AGAP3: variants seen among roughly 807,000 people sequenced by gnomAD.
The protein encoded by AGAP3 is ArfGAP with GTPase domain, ankyrin repeat and PH domain 3, also known as arf-GAP with GTPase, ANK repeat and PH domain-containing protein 3.
AGAP3 carries 24 observed loss-of-function variants against 96.9 expected under a neutral mutation model. The observed-to-expected ratio is 0.25, with a 90% CI of 0.18 to 0.35. The LOEUF (loss-of-function observed/expected upper bound fraction) is 0.35, where lower values mean the gene tolerates loss of function less well. Ranked by LOEUF, AGAP3 falls within the 10% of genes least tolerant of loss-of-function variation. The probability of loss-of-function intolerance (pLI) is 1.00; values close to 1 mark genes in which losing one functional copy is unlikely to be tolerated. For synonymous variants in AGAP3, 563 were observed against 536.1 expected (o/e 1.05, Z -0.69); for missense variants, 876 against 1,254.2 (o/e 0.70, Z 4.55).
At chr7:151,089,805 C>T (rs1460662758) in intron 1 of AGAP3, 1 of 152,114 alleles carries the variant, frequency 6.6e-6, no homozygotes. Context: ...AGAAGTACAG[C>T]CTTCAGCTGG....
In AGAP3 at chr7:151,133,912, G is replaced by A. The variant is rs149518382; in HGVS notation, c.1327-488G>A. On this transcript the variant is annotated intron_variant, in intron 10 of 17. Transcript: ENST00000397238. The surrounding 1 kb of genome is among the most constrained non-coding windows in gnomAD (Gnocchi z 5.4). ...GGCTTCCTTTTAAACTGTTTGACAA[G>A]TGTTTATTATCAGACACTGTCCTAA... is the stretch of plus-strand genomic sequence containing the variant. Among the ~76,000 whole-genome samples, 2 of 152,306 alleles carry A rather than the reference G, an allele frequency of 1.3e-5. No homozygotes were observed. Among genetic ancestry groups the A allele is most frequent in the Non-Finnish European group, 2.9e-5 (2 of 68,016 alleles).
chr7:151,143,897 G>C lies in AGAP3; in HGVS notation c.2690G>C (p.Gly897Ala). The C allele has an allele frequency of 1.9e-6, 3 of 1,614,030 alleles. No homozygotes were observed. Among genetic ancestry groups the C allele is most frequent in the Non-Finnish European group, 2.5e-6 (3 of 1,180,014 alleles). Residue 897 changes from glycine to alanine, a missense_variant, in exon 18 of 18, where the codon GGC becomes GCC. Gly to Ala is a moderately conservative substitution (Grantham distance 60). Coordinates refer to ENST00000397238, the MANE Select transcript of AGAP3 (RefSeq NM_031946.7). This position sits in a 1 kb window ranked among gnomAD's most constrained non-coding sequence, Gnocchi z 5.9. ...ACCCCCAACAGAGAGCCTGCCAATG[G>C]CACCAACCCCTCTGCTGAGCTGCAC... is the stretch of plus-strand genomic sequence containing the variant. ...APTPNREPAN[G>A]TNPSAELHRS... is the part of the protein sequence containing the mutation.
Position 151,118,220 on chromosome 7 carries a change from C to T in AGAP3, c.717C>T (p.Ser239=), listed in dbSNP as rs753636402. 1.2e-5 allele frequency: 19 copies of T among 1,610,072 alleles called. 1 individual carries two copies. In the Admixed American group the frequency reaches 2.7e-4, roughly 23 times the overall value. The change falls in exon 6 of 18, where the codon AGC becomes AGT. Residue 239 remains serine (S), a synonymous_variant. Coordinates refer to ENST00000397238, the MANE Select transcript of AGAP3 (RefSeq NM_031946.7). This position sits in a 1 kb window ranked among gnomAD's most constrained non-coding sequence, Gnocchi z 6.1. ...TCCCACCTCCAACAGATGCCATCAG[C>T]GCTGCGAATCCCCGGGTTATCGACG... The part of the protein sequence containing the change: ...MVLVGTQDAI[S]AANPRVIDDS...
rs759449412 is a variant in AGAP3 at position 151,134,546 on chromosome 7, C to T, written c.1473C>T (p.Asn491=). 3 of 1,612,044 alleles carry T rather than the reference C, an allele frequency of 1.9e-6. No individual in the cohort carries two copies. The Admixed American group carries it at 5.0e-5, about 27-fold the overall frequency. ...ACGGGCTGTCCGTGGAGCGGAGTAACACACAGCTGGGTGGGGGCACAGGTG... is the reference window on the plus strand; with the variant it reads ...ACGGGCTGTCCGTGGAGCGGAGTAATACACAGCTGGGTGGGGGCACAGGTG... ...RANGLSVERS[N]TQLGGGTGAP... The change falls in exon 11 of 18, where the codon AAC becomes AAT. Residue 491 remains asparagine (N), a synonymous_variant. Transcript: ENST00000397238.
rs1473612568 is a variant in AGAP3 at position 151,138,228 on chromosome 7, G to T, written c.1581G>T (p.Gly527=). The change falls in exon 12 of 18, where the codon GGG becomes GGT. Residue 527 remains glycine (G), a synonymous_variant. Transcript: ENST00000397238. ...SSAWAGPRPE[G]LHQRSCSVSS... is the part of the protein sequence containing the mutation. The stretch of plus-strand genomic sequence containing the variant: ...CCTGGGCTGGCCCGCGCCCTGAGGG[G>T]CTGCACCAGCGCTCCTGCTCCGTTT... The T allele has an allele frequency of 6.2e-7, 1 of 1,612,410 alleles. No individual in the cohort carries two copies. The highest frequency in any genetic ancestry group is 8.5e-7 in the Non-Finnish European group (1 of 1,179,710).
Position 151,142,693 on chromosome 7 carries a change from C to T in AGAP3, c.2273+59C>T. On this transcript the variant is annotated intron_variant, in intron 16 of 17. Coordinates refer to ENST00000397238, the MANE Select transcript of AGAP3 (RefSeq NM_031946.7). The surrounding 1 kb of genome is among the most constrained non-coding windows in gnomAD (Gnocchi z 7.5). ...TGGGGGAAGCGTTGGGGGCTCCCAG[C>T]ATGGGGAAGATTGGAGTGGCTGTGA... The T allele has an allele frequency of 1.3e-6, 2 of 1,534,490 alleles. No individual in the cohort carries two copies. Among genetic ancestry groups the T allele is most frequent in the East Asian group, 4.5e-5 (2 of 44,296 alleles).
rs1389209910 is a variant in AGAP3 at position 151,123,820 on chromosome 7, G to A, written c.1155G>A (p.Arg385=). 1.2e-6 allele frequency: 2 copies of A among 1,612,786 alleles called. No individual in the cohort carries two copies. Among genetic ancestry groups the A allele is most frequent in the Admixed American group, 1.7e-5 (1 of 59,998 alleles). ...FTSRKGADLD[R]EKKAAECKVD... ...CTCGGAAGGGTGCTGACCTGGACCGGGAGAAGAAGGCTGCCGAGTGCAAGG... is the reference window on the plus strand; with the variant it reads ...CTCGGAAGGGTGCTGACCTGGACCGAGAGAAGAAGGCTGCCGAGTGCAAGG... Residue 385 remains arginine (R), a synonymous_variant, in exon 9 of 18, where the codon CGG becomes CGA. Transcript: ENST00000397238.
At chr7:151,120,283 C>G (rs1328146067) in intron 8 of AGAP3, 138 bp downstream of exon 8, 3 of 945,452 alleles carry the variant, frequency 3.2e-6, no homozygotes, top group Non-Finnish European at 4.7e-6. Flanking sequence ...CAGATACACA[C>G]GGCTCCCGAG....
chr7:151,105,067 A>C (rs1798989912), intron 1 of AGAP3, among the ~76,000 whole-genome samples: 1 of 152,196 alleles, frequency 6.6e-6, no homozygotes. Flanking sequence ...CGGCCAAAAC[A>C]GTGGTTTTCT....
intron 1 of AGAP3, among the ~76,000 whole-genome samples, chr7:151,107,460 C>CA (rs2150437028): frequency 6.6e-6 from 1 of 151,592 alleles, no homozygotes; most frequent in East Asian, 1.9e-4. Flanking sequence ...GCGGTCTCTA[C>CA]AAAAAAAATA....
At position 151,128,507 on chromosome 7, in the gene AGAP3, G is replaced by A. The variant is rs182713434; in HGVS notation, c.1222-73G>A. 1.5e-5 allele frequency: 20 copies of A among 1,310,584 alleles called. No individual in the cohort carries two copies. The East Asian group carries it at 4.2e-4, about 27-fold the overall frequency. 81.2% of individuals were successfully genotyped at this position (1,310,584 alleles called of 1,614,324 possible). A position where few individuals can be genotyped will look rare whatever the true frequency, so the allele number is the denominator to read the frequency against. ...GGGAGGGGGGAGGGCATTGCCTGAC[G>A]ACATCGTGACCTCCTCATGCCCTAT... On this transcript the variant is annotated intron_variant, in intron 9 of 17. Transcript: ENST00000397238.
intron 1 of AGAP3, among the ~76,000 whole-genome samples, chr7:151,094,942 G>A (rs191650612): frequency 6.6e-5 from 10 of 151,454 alleles, no homozygotes; most frequent in Admixed American, 3.3e-4. Flanking sequence ...TGACGCGATC[G>A]TAGCTCACTG....
chr7:151,099,125 C>T (rs977668981), intron 1 of AGAP3, among the ~76,000 whole-genome samples: 5 of 151,864 alleles, frequency 3.3e-5, no homozygotes, highest in East Asian at 2.0e-4. Context: ...AGGCGGATCA[C>T]GAGGTCAGGA....
intron 1 of AGAP3, among the ~76,000 whole-genome samples, chr7:151,089,473 C>T (rs1388783024): frequency 1.3e-5 from 2 of 151,398 alleles, no homozygotes; most frequent in South Asian, 2.1e-4. Context: ...GCGGCAGTTC[C>T]GAGTGTATAA....
rs73727479 is a variant in AGAP3 at position 151,096,141 on chromosome 7, G to A, written c.331+9069G>A. ...AGAGCAGCAGCTGCCCTGAGGATGT[G>A]CGTGCTGGGTGGCGACTGTCTCATT... On this transcript the variant is annotated intron_variant, in intron 1 of 17. Coordinates refer to ENST00000397238, the MANE Select transcript of AGAP3 (RefSeq NM_031946.7). This position sits in a 1 kb window ranked among gnomAD's most constrained non-coding sequence, Gnocchi z 4.4. Among the ~76,000 whole-genome samples the A allele has an allele frequency of 2.8e-3, 419 of 152,346 alleles. 4 individuals carry two copies. Among genetic ancestry groups the A allele is most frequent in the African/African-American group, 9.5e-3 (397 of 41,584 alleles).
chr7:151,122,896 C>A, intron 8 of AGAP3: 2 of 1,528,562 alleles, frequency 1.3e-6, no homozygotes, highest in East Asian at 2.4e-5. Context: ...CCGAGCTCCC[C>A]ACTCCAGAGA....
At chr7:151,101,639 T>C (rs749320) in intron 1 of AGAP3, among the ~76,000 whole-genome samples, 118,577 of 152,164 alleles carry the variant, frequency 0.78, 46,277 homozygotes, top group East Asian at 0.98. Context: ...CAAGAGGCCA[T>C]AGTCCCATAG....
intron 1 of AGAP3, among the ~76,000 whole-genome samples, chr7:151,088,131 GC>G (rs918482966): frequency 6.6e-6 from 1 of 152,222 alleles, no homozygotes; most frequent in Admixed American, 6.5e-5. Context: ...TAAGGTTAGG[GC>G]CCCACTCCCA....
intron 1 of AGAP3, among the ~76,000 whole-genome samples, chr7:151,097,070 T>C (rs1585040513): frequency 6.6e-6 from 1 of 151,594 alleles, no homozygotes; most frequent in South Asian, 2.1e-4. Flanking sequence ...CAGGCGTGAG[T>C]GAGCCACCGC....
Sources: gnomAD v4.1 joint callset for allele counts (sites outside exome capture counted in the v4.1 genomes callset) on GRCh38, gnomAD v4.1.1 for gene constraint, Gnocchi (gnomAD v3.1) non-coding constraint, MANE v1.5 for transcripts, NCBI Gene and HGNC (gene_info 2026-07-23, HGNC 2026-07-21) for gene names.